Variants in APP observed in about 807,000 individuals in gnomAD.
APP encodes the protein amyloid beta precursor protein, also known as amyloid-beta precursor protein.
APP carries 31 observed loss-of-function variants against 101.4 expected under a neutral mutation model. The ratio of observed to expected loss-of-function variants is 0.31; its 90% CI spans 0.23 to 0.41. The LOEUF (loss-of-function observed/expected upper bound fraction) is 0.41. APP is among the 10% of genes least tolerant of loss of function. The probability of loss-of-function intolerance (pLI) is 1.00; values close to 1 mark genes in which losing one functional copy is unlikely to be tolerated. For synonymous variants in APP, 366 were observed against 364.4 expected (o/e 1.00, Z -0.05); for missense variants, 839 against 1,003.7 (o/e 0.84, Z 2.22).
chr21:25,885,785 CT>C (rs1438852151), intron 17 of APP, among the ~76,000 whole-genome samples: 2 of 152,204 alleles, frequency 1.3e-5, no homozygotes. Flanking sequence ...TCCATACCCC[CT>C]GACCCTTTTC....
intron 5 of APP, among the ~76,000 whole-genome samples, chr21:26,023,528 A>G (rs2044439417): frequency 6.6e-6 from 1 of 150,682 alleles, no homozygotes; most frequent in Non-Finnish European, 1.5e-5. Context: ...AGACAAAGAC[A>G]CTGCCTCCTT....
intron 3 of APP, among the ~76,000 whole-genome samples, chr21:26,067,790 CCCG>C (rs2046515417): frequency 6.6e-6 from 1 of 152,048 alleles, no homozygotes; most frequent in African/African-American, 2.4e-5. Context: ...TCCTCTGTAT[CCCG>C]AGAGATGAGC....
chr21:25,999,660 G>A (rs1568833312), intron 7 of APP, among the ~76,000 whole-genome samples: 1 of 152,132 alleles, frequency 6.6e-6, no homozygotes, highest in Non-Finnish European at 1.5e-5. Flanking sequence ...ATATGTACAC[G>A]GACAAACACA....
rs1156588289 is a variant in APP, at chr21:26,086,444, T to A, written c.355+3499A>T. The stretch of plus-strand genomic sequence containing the variant: ...GTGCCACACTGGATCCTTCATCTGA[T>A]AAAGAGGTTAGGAAGGTTGTATGCC... On this transcript the variant is annotated intron_variant, in intron 3 of 17. Transcript: ENST00000346798. 2.0e-5 allele frequency among the ~76,000 whole-genome samples: 3 copies of A among 152,166 alleles called. No homozygotes were observed. The East Asian group carries it at 5.8e-4, about 29-fold the overall frequency.
At chr21:26,082,193 G>A (rs532850715) in intron 3 of APP, among the ~76,000 whole-genome samples, 36 of 151,906 alleles carry the variant, frequency 2.4e-4, no homozygotes, top group Admixed American at 1.2e-3. Context: ...CACTCCAGCC[G>A]GGGCAACAAG....
At chr21:25,907,422 C>G (rs1309780055) in intron 14 of APP, among the ~76,000 whole-genome samples, 1 of 152,212 alleles carries the variant, frequency 6.6e-6, no homozygotes. Flanking sequence ...TCCCAATCCA[C>G]TGCAAATACT....
intron 1 of APP, among the ~76,000 whole-genome samples, chr21:26,117,394 C>T (rs1429391289): frequency 6.6e-6 from 1 of 152,226 alleles, no homozygotes; most frequent in Non-Finnish European, 1.5e-5. Flanking sequence ...AATAATTCAT[C>T]TGTAGGGTTT....
intron 1 of APP, among the ~76,000 whole-genome samples, chr21:26,131,979 C>G (rs1418528972): frequency 1.3e-5 from 2 of 150,526 alleles, no homozygotes; most frequent in Admixed American, 1.3e-4. Context: ...TATTAAACAA[C>G]TAAAAATCAG....
At chr21:26,038,190 A>G (rs2045207475) in intron 5 of APP, among the ~76,000 whole-genome samples, 1 of 152,178 alleles carries the variant, frequency 6.6e-6, no homozygotes, top group African/African-American at 2.4e-5. Context: ...ACATATTTAA[A>G]TTCATAAATA....
intron 3 of APP, among the ~76,000 whole-genome samples, chr21:26,078,401 G>C (rs986615303): frequency 1.3e-5 from 2 of 152,118 alleles, no homozygotes; most frequent in Admixed American, 6.5e-5. Flanking sequence ...TTTATTATGA[G>C]AAGTCTATGT....
intron 5 of APP, among the ~76,000 whole-genome samples, chr21:26,040,281 G>C (rs1422566085): frequency 6.6e-6 from 1 of 152,046 alleles, no homozygotes; most frequent in Admixed American, 6.6e-5. Flanking sequence ...GTATTTTATG[G>C]TAATAAACCG....
chr21:25,999,246 C>T (rs1051889488), intron 7 of APP, among the ~76,000 whole-genome samples: 10 of 152,078 alleles, frequency 6.6e-5, no homozygotes, highest in African/African-American at 2.2e-4. Context: ...GAGCCAAGAT[C>T]ACGCCATTGC....
At chr21:25,952,912 A>T (rs1419924739) in intron 13 of APP, among the ~76,000 whole-genome samples, 1 of 152,236 alleles carries the variant, frequency 6.6e-6, no homozygotes, top group Non-Finnish European at 1.5e-5. Flanking sequence ...CTATTCTCCA[A>T]GTATACCTGA....
At chr21:25,885,385 T>C (rs1435172504) in intron 17 of APP, among the ~76,000 whole-genome samples, 1 of 152,230 alleles carries the variant, frequency 6.6e-6, no homozygotes, top group Non-Finnish European at 1.5e-5. Context: ...CACAATATTA[T>C]TTCCCTTAAA....
At chr21:25,976,528 G>GA (rs1299996177) in intron 9 of APP, among the ~76,000 whole-genome samples, 1 of 152,164 alleles carries the variant, frequency 6.6e-6, no homozygotes, top group Non-Finnish European at 1.5e-5. Context: ...GGAAGAAAAA[G>GA]AAGACTTCTG....
At chr21:25,980,592 A>G (rs1350915447) in intron 9 of APP, among the ~76,000 whole-genome samples, 2 of 152,232 alleles carry the variant, frequency 1.3e-5, no homozygotes, top group African/African-American at 2.4e-5. Context: ...TACTGTGATT[A>G]TAAGGCTTTT....
chr21:26,095,007 G>A (rs983998927), intron 2 of APP, among the ~76,000 whole-genome samples: 3 of 152,048 alleles, frequency 2.0e-5, no homozygotes, highest in South Asian at 2.1e-4. Context: ...TACCACACCC[G>A]GCTAATTTTT....
intron 2 of APP, among the ~76,000 whole-genome samples, chr21:26,094,690 A>T (rs1308680092): frequency 1.3e-5 from 2 of 150,998 alleles, no homozygotes; most frequent in Non-Finnish European, 3.0e-5. Flanking sequence ...TTTCATCAGA[A>T]ATACAAATGT....
chr21:26,121,793 T>G (rs1040923377), intron 1 of APP, among the ~76,000 whole-genome samples: 1 of 152,212 alleles, frequency 6.6e-6, no homozygotes, highest in Non-Finnish European at 1.5e-5. Context: ...AATGCACAAG[T>G]AAGTGCAAAC....
Sources: allele counts gnomAD v4.1 joint callset (sites outside exome capture counted in the v4.1 genomes callset), GRCh38; gene constraint gnomAD v4.1.1; transcripts MANE v1.5; gene names NCBI Gene and HGNC (gene_info 2026-07-23, HGNC 2026-07-21).